The following NCAPD3 variants were observed in gnomAD, a reference collection of about 807,000 sequenced individuals.
NCAPD3 encodes condensin-2 complex subunit D3.
Under a neutral mutation model 182.9 loss-of-function variants are expected in NCAPD3, and 105 were observed. That is an observed-to-expected ratio of 0.57 (90% CI 0.49 to 0.68). The LOEUF (loss-of-function observed/expected upper bound fraction) is 0.68, where lower values mean the gene tolerates loss of function less well. Among genes scored for constraint, NCAPD3 ranks in the 30% least tolerant of loss-of-function variants. The pLI is 0.00. For missense variants in NCAPD3, 1,944 were observed against 1,837.0 expected, an observed-to-expected ratio of 1.06 and a Z score of -1.07; for synonymous variants, 815 against 679.9, an observed-to-expected ratio of 1.20 and a Z score of -3.09.
Position 134,168,578 on chromosome 11 carries a change from C to T in NCAPD3, c.3264G>A (p.Lys1088=), listed in dbSNP as rs1943926899. Residue 1088 remains lysine, a synonymous_variant, in exon 26 of 35, where the codon AAG becomes AAA. Transcript: ENST00000534548. ...TTCGTCTCTCTTTGTTTGACTTTCC[C>T]TTCAATGAAAACAGCCGCTTCTCTC... is the stretch of plus-strand genomic sequence containing the variant. ...SEREKRLFSL[K]GKSNKERRMK... 1 of 1,614,120 alleles carries T rather than the reference C, an allele frequency of 6.2e-7. No individual in the cohort carries two copies.
At chr11:134,166,101 GCA>G (rs1483985561) in intron 27 of NCAPD3, among the ~76,000 whole-genome samples, 1 of 20,696 alleles carries the variant, frequency 4.8e-5, no homozygotes, top group Admixed American at 3.1e-4. Context: ...TGGGGGAGGG[GCA>G]CACTCACTAG....
chr11:134,220,243 A>T, intron 2 of NCAPD3, among the ~76,000 whole-genome samples: 1 of 149,152 alleles, frequency 6.7e-6, no homozygotes. Flanking sequence ...CTAGTCTCAA[A>T]CTCCTGAGCT....
chr11:134,152,782 G>A lies in NCAPD3; in HGVS notation c.*162C>T. ...AGTGTTTAACCAAATACATCATACA[G>A]AATAGAAGGTGAGTGCCAGGCCCCT... On this transcript the variant is annotated 3_prime_UTR_variant, in exon 35 of 35. Coordinates refer to ENST00000534548, the MANE Select transcript of NCAPD3 (RefSeq NM_015261.3). The A allele has an allele frequency of 5.0e-6, 3 of 597,896 alleles. No individual in the cohort carries two copies. The highest frequency in any genetic ancestry group is 8.8e-6 in the Non-Finnish European group (3 of 339,868). 37.0% of individuals were successfully genotyped at this position (597,896 alleles called of 1,614,324 possible). A position where few individuals can be genotyped will look rare whatever the true frequency, so the allele number is the denominator to read the frequency against.
chr11:134,225,174 G>C (rs1480395792), upstream of NCAPD3: 17 of 1,613,926 alleles, frequency 1.1e-5, no homozygotes, highest in Admixed American at 2.5e-4. Context: ...CCTTCTGAAC[G>C]ATGCAGAGAG....
intron 29 of NCAPD3, among the ~76,000 whole-genome samples, chr11:134,159,136 T>C (rs1455574363): frequency 6.6e-6 from 1 of 152,248 alleles, no homozygotes; most frequent in Non-Finnish European, 1.5e-5. Context: ...AGTGCAGGTA[T>C]GTCTTCGACA....
At chr11:134,205,536 C>T (rs987256769) in intron 8 of NCAPD3, among the ~76,000 whole-genome samples, 6 of 151,992 alleles carry the variant, frequency 3.9e-5, no homozygotes, top group East Asian at 1.9e-4. Context: ...CCCGCCACCA[C>T]GCCTAGTTTC....
intron 27 of NCAPD3, 129 bp from the exon 28 acceptor site, chr11:134,162,020 T>A: frequency 1.8e-6 from 1 of 570,222 alleles, no homozygotes; most frequent in East Asian, 3.1e-5. Flanking sequence ...TTCATTATGA[T>A]ACTGGATGTA....
rs1455205641 is a variant in NCAPD3, at chr11:134,192,864, C to T, written c.1870G>A (p.Val624Met). The T allele has an allele frequency of 1.2e-6, 2 of 1,612,504 alleles. No individual in the cohort carries two copies. The highest frequency in any genetic ancestry group is 1.1e-5 in the South Asian group (1 of 91,050). ...VQIQKAWLRG[V>M]VPVVMDCEST... Reference sequence around the variant, plus strand: ...TCGCAGTCCATCACCACCGGGACCACCCCCCGCAACCAGGCTTTCTGGATC... The same window carrying T: ...TCGCAGTCCATCACCACCGGGACCATCCCCCGCAACCAGGCTTTCTGGATC... The change falls in exon 16 of 35, where the codon GTG (valine) becomes ATG (methionine). Residue 624 changes from valine (V) to methionine (M), a missense_variant. By Grantham distance (21) the Val-to-Met change is conservative. This residue lies in a region of NCAPD3 where 1,803 missense variants were observed against 1,674.6 expected (regional missense o/e 1.08). Transcript: ENST00000534548.
At chr11:134,179,589 C>A (rs534418287) in intron 20 of NCAPD3, among the ~76,000 whole-genome samples, 223 of 152,326 alleles carry the variant, frequency 1.5e-3, no homozygotes, top group African/African-American at 5.3e-3. Flanking sequence ...TTAGATACTG[C>A]TCTCTTTCCT....
In NCAPD3 at chr11:134,205,151, T is replaced by A. The variant is rs547847763; in HGVS notation, c.1017-180A>T. On this transcript the variant is annotated intron_variant, in intron 8 of 34. Transcript: ENST00000534548. Reference sequence around the variant, plus strand: ...GTCATCGTAGAAAACTGTGAAGTAGTTCCCGTGCAGTTTTGAGAGCTGCTG... The same window carrying A: ...GTCATCGTAGAAAACTGTGAAGTAGATCCCGTGCAGTTTTGAGAGCTGCTG... 1.0e-3 allele frequency among the ~76,000 whole-genome samples: 155 copies of A among 152,342 alleles called. 3 individuals are homozygous for A. The South Asian group carries it at 0.02, about 19-fold the overall frequency.
At chr11:134,164,578 A>G (rs1457078741) in intron 27 of NCAPD3, among the ~76,000 whole-genome samples, 1 of 152,054 alleles carries the variant, frequency 6.6e-6, no homozygotes, top group African/African-American at 2.4e-5. Context: ...GGAGCTGCAC[A>G]CTCACTTGTG....
At chr11:134,209,620 A>G (rs937644635) in intron 4 of NCAPD3, 143 bp from the exon 5 acceptor site, 2 of 710,656 alleles carry the variant, frequency 2.8e-6, no homozygotes, top group Non-Finnish European at 4.6e-6. Context: ...AGGTCGCATG[A>G]CTGTTCTAGG....
At chr11:134,175,138 T>G (rs957654529) in intron 24 of NCAPD3, among the ~76,000 whole-genome samples, 1 of 152,210 alleles carries the variant, frequency 6.6e-6, no homozygotes. Flanking sequence ...AAATCCCACA[T>G]ACAGTTTACT....
At chr11:134,165,459 ACT>A (rs767890710) in intron 27 of NCAPD3, among the ~76,000 whole-genome samples, 49 of 146,022 alleles carry the variant, frequency 3.4e-4, no homozygotes, top group African/African-American at 5.4e-4. Context: ...GGAGTGGCAC[ACT>A]CATGAGATGA....
At chr11:134,177,035 T>C (rs1029500767) in intron 23 of NCAPD3, among the ~76,000 whole-genome samples, 184 bp downstream of exon 23, 1 of 152,214 alleles carries the variant, frequency 6.6e-6, no homozygotes, top group African/African-American at 2.4e-5. Flanking sequence ...AAAATGAACA[T>C]TCACAAGTAA....
chr11:134,205,414 CTT>C (rs1199713872), intron 8 of NCAPD3, among the ~76,000 whole-genome samples: 6 of 148,638 alleles, frequency 4.0e-5, no homozygotes, highest in Non-Finnish European at 5.9e-5. Context: ...GAGTTTTGCT[CTT>C]GTCGCTCAGG....
intron 16 of NCAPD3, among the ~76,000 whole-genome samples, chr11:134,189,957 G>A (rs1944489806): frequency 6.6e-6 from 1 of 151,902 alleles, no homozygotes; most frequent in Non-Finnish European, 1.5e-5. Context: ...GTATGTAGTT[G>A]GATTTTGGTT....
At chr11:134,210,495 T>C in intron 3 of NCAPD3, 41 bp from the exon 4 acceptor site, 2 of 1,534,860 alleles carry the variant, frequency 1.3e-6, no homozygotes, top group Non-Finnish European at 1.8e-6. Context: ...TAGATTTAAT[T>C]GTCTTGAAAT....
At position 134,159,951 on chromosome 11, in the gene NCAPD3, C is replaced by A; in HGVS notation, c.3808G>T (p.Ala1270Ser). The part of the protein sequence containing the change: ...QEQLVQEQEL[A>S]KHADVAGTAG... ...GTCCCGGCCACATCTGCATGTTTTG[C>A]TAGCTCCTGCTCCTGGACCAGCTGT... is the stretch of plus-strand genomic sequence containing the variant. The change falls in exon 29 of 35, where the codon GCA becomes TCA. Residue 1270 changes from alanine (A) to serine (S), a missense_variant. By Grantham distance (99) the Ala-to-Ser change is moderately conservative (BLOSUM62 1). Transcript: ENST00000534548. 1 of 1,614,032 alleles carries A rather than the reference C, an allele frequency of 6.2e-7. No individual in the cohort carries two copies. Among genetic ancestry groups the A allele is most frequent in the Middle Eastern group, 1.6e-4 (1 of 6,062 alleles).
Sources: gnomAD v4.1 joint callset for allele counts (sites outside exome capture counted in the v4.1 genomes callset) on GRCh38, gnomAD v4.1.1 for gene constraint, gnomAD v4.1.1 regional missense constraint, MANE v1.5 for transcripts, NCBI Gene and HGNC (gene_info 2026-07-23, HGNC 2026-07-21) for gene names.